WDR70: variants seen among roughly 807,000 people sequenced by gnomAD.
WDR70 encodes the protein WD repeat-containing protein 70.
WDR70 carries 53 observed loss-of-function variants against 88.6 expected under a neutral mutation model. The observed-to-expected ratio is 0.60, with a 90% CI of 0.48 to 0.75. The LOEUF is 0.75. Ranked by LOEUF, WDR70 falls within the 30% of genes least tolerant of loss-of-function variation. The pLI is 0.00. For missense variants in WDR70, 610 were observed against 823.2 expected, an observed-to-expected ratio of 0.74 and a Z score of 3.17; for synonymous variants, 280 against 270.0, an observed-to-expected ratio of 1.04 and a Z score of -0.36.
At chr5:37,636,349 G>A (rs1351245346) in intron 10 of WDR70, among the ~76,000 whole-genome samples, 3 of 152,098 alleles carry the variant, frequency 2.0e-5, no homozygotes, top group Non-Finnish European at 4.4e-5. Flanking sequence ...AATGTAGAAC[G>A]AATAATAGAA....
intron 7 of WDR70, among the ~76,000 whole-genome samples, chr5:37,471,240 A>G (rs938827191): frequency 6.6e-6 from 1 of 150,652 alleles, no homozygotes; most frequent in Admixed American, 6.6e-5. Context: ...CCTCCTACCC[A>G]TAGTCCACAA....
At chr5:37,679,154 T>C (rs1338963282) in intron 10 of WDR70, among the ~76,000 whole-genome samples, 3 of 152,128 alleles carry the variant, frequency 2.0e-5, no homozygotes, top group Non-Finnish European at 2.9e-5. Flanking sequence ...TCAAAGTTTT[T>C]AACTTCTTTG....
intron 9 of WDR70, among the ~76,000 whole-genome samples, chr5:37,590,952 G>A (rs1470172829): frequency 6.6e-6 from 1 of 152,062 alleles, no homozygotes; most frequent in South Asian, 2.1e-4. Flanking sequence ...AAAGGAAAGA[G>A]CAGATGAATA....
At chr5:37,697,557 A>G in intron 10 of WDR70, 98 bp from the exon 11 acceptor site, 7 of 969,124 alleles carry the variant, frequency 7.2e-6, no homozygotes, top group Non-Finnish European at 1.1e-5. Flanking sequence ...ATAGGTGTGT[A>G]TTATTTTCAT....
chr5:37,461,523 G>A (rs1000490648), intron 7 of WDR70, among the ~76,000 whole-genome samples: 50 of 151,858 alleles, frequency 3.3e-4, no homozygotes, highest in Admixed American at 2.2e-3. Context: ...TCACTCTGTT[G>A]CCCAGGCTGG....
At chr5:37,506,599 G>C in intron 8 of WDR70, 1 of 776,218 alleles carries the variant, frequency 1.3e-6, no homozygotes, top group Non-Finnish European at 2.4e-6. Flanking sequence ...CACTCTGTGT[G>C]GAATCCTAAC....
chr5:37,686,825 A>G (rs1338877824), intron 10 of WDR70, among the ~76,000 whole-genome samples: 3 of 151,504 alleles, frequency 2.0e-5, no homozygotes, highest in East Asian at 1.9e-4. Flanking sequence ...TGCGTTTTCC[A>G]TCTTGGTGAA....
At chr5:37,727,217 G>A (rs1747995865) in intron 17 of WDR70, among the ~76,000 whole-genome samples, 172 bp downstream of exon 17, 1 of 152,092 alleles carries the variant, frequency 6.6e-6, no homozygotes, top group African/African-American at 2.4e-5. Flanking sequence ...TGTATCATAA[G>A]ACTCTAAAAT....
At chr5:37,389,798 G>C (rs1015111084) in intron 3 of WDR70, among the ~76,000 whole-genome samples, 1 of 151,984 alleles carries the variant, frequency 6.6e-6, no homozygotes, top group Non-Finnish European at 1.5e-5. Flanking sequence ...CTCTTGACCC[G>C]CCTCAGCCCA....
At chr5:37,463,524 C>T in intron 7 of WDR70, among the ~76,000 whole-genome samples, 1 of 152,168 alleles carries the variant, frequency 6.6e-6, no homozygotes, top group Non-Finnish European at 1.5e-5. Flanking sequence ...TCAATCTTCA[C>T]CTTCCCATTC....
chr5:37,544,507 A>T (rs1741931184), intron 9 of WDR70, among the ~76,000 whole-genome samples: 1 of 152,244 alleles, frequency 6.6e-6, no homozygotes, highest in Non-Finnish European at 1.5e-5. Context: ...AAATTTGGTT[A>T]TAGCTTCTAA....
chr5:37,723,424 T>G (rs1747883485), intron 15 of WDR70: 1 of 153,184 alleles, frequency 6.5e-6, no homozygotes, highest in African/African-American at 2.4e-5. Flanking sequence ...TATATAAAAT[T>G]AACTACCTGG....
intron 9 of WDR70, among the ~76,000 whole-genome samples, chr5:37,589,981 C>G (rs1169030696): frequency 6.6e-6 from 1 of 152,076 alleles, no homozygotes; most frequent in African/African-American, 2.4e-5. Context: ...TTTATAAGAG[C>G]AGAGTGTAAA....
At chr5:37,588,340 T>G (rs1277764864) in intron 9 of WDR70, among the ~76,000 whole-genome samples, 1 of 151,870 alleles carries the variant, frequency 6.6e-6, no homozygotes, top group Non-Finnish European at 1.5e-5. Flanking sequence ...AGCAGAATAG[T>G]GCTTAGCATC....
intron 9 of WDR70, among the ~76,000 whole-genome samples, chr5:37,523,247 C>T (rs767603259): frequency 5.9e-5 from 9 of 152,244 alleles, no homozygotes; most frequent in Non-Finnish European, 1.2e-4. Context: ...GGCAGACTGA[C>T]AACCCACACA....
intron 6 of WDR70, among the ~76,000 whole-genome samples, chr5:37,440,644 C>G (rs1170519434): frequency 6.6e-6 from 1 of 152,182 alleles, no homozygotes; most frequent in African/African-American, 2.4e-5. Context: ...TGCGCCCAGC[C>G]TCCGAGCTCT....
chr5:37,612,278 T>C (rs1744211749), intron 10 of WDR70, among the ~76,000 whole-genome samples: 1 of 152,156 alleles, frequency 6.6e-6, no homozygotes, highest in African/African-American at 2.4e-5. Flanking sequence ...TCTGGGAATG[T>C]AGAAGAATAT....
At chr5:37,631,420 A>C (rs1475845350) in intron 10 of WDR70, among the ~76,000 whole-genome samples, 1 of 152,204 alleles carries the variant, frequency 6.6e-6, no homozygotes. Flanking sequence ...TAGTAACAAT[A>C]GTGGTGATAA....
At chr5:37,699,398 T>TACACACAC (rs780835202) in intron 11 of WDR70, among the ~76,000 whole-genome samples, 1,704 of 74,088 alleles carry the variant, frequency 0.023, 66 homozygotes, top group Admixed American at 0.12. Flanking sequence ...TGTGTATATA[T>TACACACAC]ATATACACAC....
Sources: allele counts gnomAD v4.1 joint callset (sites outside exome capture counted in the v4.1 genomes callset), GRCh38; gene constraint gnomAD v4.1.1; transcripts MANE v1.5; gene names NCBI Gene and HGNC (gene_info 2026-07-23, HGNC 2026-07-21).